SEMA6D: variants seen among roughly 807,000 people sequenced by gnomAD.
SEMA6D encodes semaphorin 6D, also known as semaphorin-6D.
A neutral mutation model predicts 106.6 loss-of-function variants in SEMA6D; 35 were observed. The ratio of observed to expected loss-of-function variants is 0.33; its 90% CI spans 0.25 to 0.44. The LOEUF (loss-of-function observed/expected upper bound fraction) is 0.44. Among genes scored for constraint, SEMA6D ranks in the 20% least tolerant of loss-of-function variants. The pLI is 1.00. For synonymous variants in SEMA6D, 499 were observed against 487.7 expected (o/e 1.02, Z -0.31); for missense variants, 1,185 against 1,345.9 (o/e 0.88, Z 1.87).
At chr15:47,489,650 C>T (rs1373953491) in intron 3 of SEMA6D, among the ~76,000 whole-genome samples, 7 of 151,908 alleles carry the variant, frequency 4.6e-5, no homozygotes, top group African/African-American at 1.7e-4. Flanking sequence ...TTTGATTCTA[C>T]TTGCACATTT....
intron 1 of SEMA6D, among the ~76,000 whole-genome samples, chr15:47,237,019 A>G (rs2141678129): frequency 6.6e-6 from 1 of 152,302 alleles, no homozygotes; most frequent in Admixed American, 6.5e-5. Context: ...AAATGGACAC[A>G]TACACAACAA....
intron 1 of SEMA6D, among the ~76,000 whole-genome samples, chr15:47,744,558 C>T (rs947800694): frequency 4.6e-5 from 7 of 152,102 alleles, no homozygotes; most frequent in African/African-American, 7.2e-5. Context: ...CCCAAGGACA[C>T]ATGGTTGTGG....
intron 4 of SEMA6D, among the ~76,000 whole-genome samples, chr15:47,619,558 C>G (rs950624320): frequency 1.3e-5 from 2 of 152,136 alleles, no homozygotes; most frequent in African/African-American, 2.4e-5. Context: ...GGCCTACAGA[C>G]CAGCAGCATC....
At chr15:47,574,500 G>A (rs376647366) in intron 3 of SEMA6D, among the ~76,000 whole-genome samples, 2 of 152,222 alleles carry the variant, frequency 1.3e-5, no homozygotes, top group East Asian at 3.9e-4. Flanking sequence ...CAAAAGGGAA[G>A]CAAATTTTCC....
chr15:47,772,137 A>G lies in SEMA6D; in HGVS notation c.*352A>G. The G allele has an allele frequency of 9.4e-6, 2 of 212,670 alleles. No individual in the cohort carries two copies. The highest frequency in any genetic ancestry group is 1.9e-5 in the Non-Finnish European group (2 of 105,656). The allele number at this position is 212,670 out of a possible 1,614,324, so 13.2% of individuals were successfully genotyped here. ...GAAAATGGGTTCAATGTAGACTGCC[A>G]TTATGTGTGGTCTTCCCATTAAATG... On this transcript the variant is annotated 3_prime_UTR_variant, in exon 19 of 19. Transcript: ENST00000536845.
chr15:47,554,307 A>G (rs2045854129), intron 3 of SEMA6D, among the ~76,000 whole-genome samples: 1 of 152,210 alleles, frequency 6.6e-6, no homozygotes, highest in African/African-American at 2.4e-5. Flanking sequence ...CAGTCACAAG[A>G]CAAGAGTCAG....
rs2038160563 is a variant in SEMA6D, at chr15:47,348,714, C to G, written c.-238-63679C>G. Among the ~76,000 whole-genome samples the G allele has an allele frequency of 5.8e-4, 54 of 93,384 alleles. No individual in the cohort carries two copies. The South Asian group carries it at 7.0e-3, about 12-fold the overall frequency. The allele number at this position is 93,384 out of a possible 152,430, so 61.3% of individuals were successfully genotyped here. ...ACACACACACACACACACACACACA[C>G]ACACCACACACACAGAGAGAGAGAG... is the stretch of plus-strand genomic sequence containing the variant. On this transcript the variant is annotated intron_variant, in intron 1 of 19. Transcript: ENST00000558014.
chr15:47,423,938 A>G (rs1335229042), intron 2 of SEMA6D, among the ~76,000 whole-genome samples: 1 of 152,122 alleles, frequency 6.6e-6, no homozygotes, highest in Non-Finnish European at 1.5e-5. Flanking sequence ...GCAACCAGGC[A>G]TAATTTGTTT....
intron 3 of SEMA6D, among the ~76,000 whole-genome samples, chr15:47,494,765 T>TATATAG (rs1761721760): frequency 2.1e-5 from 2 of 93,190 alleles, no homozygotes; most frequent in Non-Finnish European, 4.2e-5. Flanking sequence ...TATATATATA[T>TATATAG]ATATATATAT....
At chr15:47,749,167 C>T (rs1195504278) in intron 1 of SEMA6D, among the ~76,000 whole-genome samples, 8 of 150,370 alleles carry the variant, frequency 5.3e-5, no homozygotes, top group East Asian at 2.0e-4. Context: ...CTGCAACCTC[C>T]GCCTCCTAGG....
intron 4 of SEMA6D, among the ~76,000 whole-genome samples, chr15:47,685,187 A>G (rs1346191508): frequency 6.6e-6 from 1 of 152,198 alleles, no homozygotes; most frequent in Non-Finnish European, 1.5e-5. Flanking sequence ...AGCATTAAGT[A>G]TCTTTGAAGA....
intron 3 of SEMA6D, among the ~76,000 whole-genome samples, chr15:47,593,653 C>T (rs901179302): frequency 6.6e-6 from 1 of 151,836 alleles, no homozygotes; most frequent in African/African-American, 2.4e-5. Context: ...TAAAGAAATA[C>T]CTGAGACTAG....
intron 2 of SEMA6D, among the ~76,000 whole-genome samples, chr15:47,461,102 T>C (rs2042494857): frequency 6.6e-6 from 1 of 152,142 alleles, no homozygotes; most frequent in South Asian, 2.1e-4. Context: ...GTACTTGCTC[T>C]TGTCTCAGCC....
chr15:47,356,833 A>C (rs1437580637), intron 1 of SEMA6D, among the ~76,000 whole-genome samples: 1 of 151,990 alleles, frequency 6.6e-6, no homozygotes, highest in Non-Finnish European at 1.5e-5. Flanking sequence ...GTGTTAGAGG[A>C]GCCAACTCCT....
upstream of SEMA6D, among the ~76,000 whole-genome samples, chr15:47,714,821 G>C (rs1335943799): frequency 6.6e-6 from 1 of 152,188 alleles, no homozygotes; most frequent in Non-Finnish European, 1.5e-5. Context: ...ACATAAGGGA[G>C]TGTGAGAAAG....
intron 4 of SEMA6D, among the ~76,000 whole-genome samples, chr15:47,621,806 C>T (rs747677587): frequency 6.6e-6 from 1 of 152,192 alleles, no homozygotes; most frequent in Non-Finnish European, 1.5e-5. Context: ...ATCAATTCCA[C>T]CTTCTTCACA....
chr15:47,560,430 AAAG>A (rs2046045042), intron 3 of SEMA6D, among the ~76,000 whole-genome samples: 1 of 152,076 alleles, frequency 6.6e-6, no homozygotes, highest in Non-Finnish European at 1.5e-5. Context: ...CTGAAGTAAA[AAAG>A]AAAATAATAA....
At chr15:47,314,335 A>G (rs2036556717) in intron 1 of SEMA6D, among the ~76,000 whole-genome samples, 1 of 151,994 alleles carries the variant, frequency 6.6e-6, no homozygotes, top group Non-Finnish European at 1.5e-5. Flanking sequence ...GCGGTGGCTC[A>G]CGCCTGTAAT....
chr15:47,282,646 T>C (rs1321559868), intron 1 of SEMA6D, among the ~76,000 whole-genome samples: 2 of 152,128 alleles, frequency 1.3e-5, no homozygotes, highest in Admixed American at 1.3e-4. Context: ...GACTATTTTA[T>C]TTCAAAGCCA....
Sources: gnomAD v4.1 joint callset for allele counts (sites outside exome capture counted in the v4.1 genomes callset) on GRCh38, gnomAD v4.1.1 for gene constraint, MANE v1.5 for transcripts, NCBI Gene and HGNC (gene_info 2026-07-23, HGNC 2026-07-21) for gene names.